SUSD2: variants seen among roughly 807,000 people sequenced by gnomAD.
SUSD2 encodes sushi domain-containing protein 2.
Under a neutral mutation model 93.8 loss-of-function variants are expected in SUSD2, and 86 were observed. The ratio of observed to expected loss-of-function variants is 0.92; its 90% CI spans 0.77 to 1.10. SUSD2 has a LOEUF of 1.10. Among genes scored for constraint, SUSD2 ranks in the 50% least tolerant of loss-of-function variants. The probability of loss-of-function intolerance (pLI) is 0.00; values close to 1 mark genes in which losing one functional copy is unlikely to be tolerated. For missense variants in SUSD2, 1,060 were observed against 1,137.0 expected, an observed-to-expected ratio of 0.93 and a Z score of 0.97; for synonymous variants, 483 against 485.0, an observed-to-expected ratio of 1.00 and a Z score of 0.05.
intron 2 of SUSD2, 109 bp from the exon 3 acceptor site, chr22:24,183,386 G>A: frequency 1.3e-6 from 2 of 1,530,580 alleles, no homozygotes; most frequent in South Asian, 1.2e-5. Flanking sequence ...AGGCAGGAGG[G>A]CACAGGGACA....
intron 10 of SUSD2, 178 bp from the exon 11 acceptor site, chr22:24,187,024 A>C (rs1466965886): frequency 2.7e-6 from 2 of 747,638 alleles, no homozygotes; most frequent in African/African-American, 3.5e-5. Context: ...GTTCCACCGC[A>C]AGCATGGCAG....
At position 24,187,795 on chromosome 22, in the gene SUSD2, C is replaced by T. The variant is rs757443879; in HGVS notation, c.2116C>T (p.Arg706Trp). Reference protein sequence around the residue: ...TGSLSTGTATRVAHQLHQRRM... With the variant: ...TGSLSTGTATWVAHQLHQRRM... ...GAGCCTGAGCACGGGCACTGCCACTCGGGTGGCCCACCAGCTGCACCAGCG... is the reference window on the plus strand; with the variant it reads ...GAGCCTGAGCACGGGCACTGCCACTTGGGTGGCCCACCAGCTGCACCAGCG... The change falls in exon 12 of 15, where the codon CGG becomes TGG. Residue 706 changes from arginine (R) to tryptophan (W), a missense_variant. By Grantham distance (101) the Arg-to-Trp change is moderately radical. Transcript: ENST00000358321. 1.4e-5 allele frequency: 21 copies of T among 1,492,772 alleles called. No individual in the cohort carries two copies. Among genetic ancestry groups the T allele is most frequent in the East Asian group, 2.9e-5 (1 of 34,860 alleles). The allele number at this position is 1,492,772 out of a possible 1,614,324, so 92.5% of individuals were successfully genotyped here.
rs752884554 is a variant in SUSD2 at position 24,183,230 on chromosome 22, A to G, written c.250A>G (p.Lys84Glu). ...CAAGGACTTTGTGGTGCGGCACTTC[A>G]AGATGTCCAGCCCCACAGACGCCAG... ...GGKDFVVRHF[K>E]MSSPTDASVI... The change falls in exon 2 of 15, where the codon AAG becomes GAG. Residue 84 changes from lysine to glutamate, a missense_variant. By Grantham distance (56) the Lys-to-Glu change is moderately conservative. Transcript: ENST00000358321. 3.7e-6 allele frequency: 6 copies of G among 1,613,610 alleles called. No individual in the cohort carries two copies. The South Asian group carries it at 6.6e-5, about 18-fold the overall frequency.
rs773767773 is a variant in SUSD2, at chr22:24,187,589, C to G, written c.1910C>G (p.Ser637Cys). ...FGANWTVHNA[S>C]SLLTYDSWFL... ...CTTCCAGGGACCGTGCACAATGCGT[C>G]CTCCCTGCTCACCTACGATTCCTGG... is the stretch of plus-strand genomic sequence containing the variant. Residue 637 changes from serine (S) to cysteine (C), a missense_variant, in exon 12 of 15, where the codon TCC becomes TGC. Physicochemically the swap from Ser to Cys is moderately radical, Grantham distance 112. Around this residue, in one of 2 missense-constraint regions of SUSD2, gnomAD observed 973 missense variants for 1,005.3 expected, o/e 0.97. Coordinates refer to ENST00000358321, the MANE Select transcript of SUSD2 (RefSeq NM_019601.4). The G allele has an allele frequency of 1.1e-4, 183 of 1,612,984 alleles. No individual in the cohort carries two copies. Among genetic ancestry groups the G allele is most frequent in the Non-Finnish European group, 1.5e-4 (179 of 1,179,370 alleles).
At position 24,185,820 on chromosome 22, in the gene SUSD2, C is replaced by T; in HGVS notation, c.1230C>T (p.Leu410=). 6.2e-7 allele frequency: 1 copy of T among 1,609,968 alleles called. No homozygotes were observed. The highest frequency in any genetic ancestry group is 1.7e-5 in the Admixed American group (1 of 59,756). ...PPRVPSMSHW[L]YDVLSFYYCC... ...GAGTGCCCAGCATGTCCCACTGGCT[C>T]TACGATGTCCTCAGCTTCTATTACT... The change falls in exon 8 of 15, where the codon CTC becomes CTT. Residue 410 remains leucine (L), a synonymous_variant. Transcript: ENST00000358321.
intron 1 of SUSD2, 75 bp downstream of exon 1, chr22:24,181,670 C>G (rs973939925): frequency 8.4e-7 from 1 of 1,188,680 alleles, no homozygotes; most frequent in African/African-American, 1.5e-5. Context: ...TGACATCCCT[C>G]TGGGCTCAGC....
rs151185799 is a variant in SUSD2, at chr22:24,181,561, G to A, written c.42G>A (p.Ala14=). 1.5e-4 allele frequency: 233 copies of A among 1,599,732 alleles called. No homozygotes were observed. Among genetic ancestry groups the A allele is most frequent in the Non-Finnish European group, 1.8e-4 (216 of 1,175,624 alleles). The change falls in exon 1 of 15, where the codon GCG becomes GCA. Residue 14 remains alanine, a synonymous_variant. Coordinates refer to ENST00000358321, the MANE Select transcript of SUSD2 (RefSeq NM_019601.4). ...TGCCCTGGGCCCTGCTGCTGCTGGC[G>A]ACAGCCCTCGGCCCGGGCCCCGGAC... ...ALLPWALLLL[A]TALGPGPGPT...
chr22:24,183,483 C>G lies in SUSD2; in HGVS notation c.288-12C>G. The G allele has an allele frequency of 2.5e-6, 4 of 1,606,390 alleles. No individual in the cohort carries two copies. The highest frequency in any genetic ancestry group is 3.4e-6 in the Non-Finnish European group (4 of 1,176,554). On this transcript the variant is annotated splice_polypyrimidine_tract_variant and intron_variant, in intron 2 of 14. Coordinates refer to ENST00000358321, the MANE Select transcript of SUSD2 (RefSeq NM_019601.4). ...AATGACCCAGCCCCTCCCACCACCA[C>G]CACGCCCACAGGTTTAAGGACAGCA...
chr22:24,184,127 C>G lies in SUSD2; in HGVS notation c.440-9C>G. 1.2e-6 allele frequency: 2 copies of G among 1,611,760 alleles called. No homozygotes were observed. The highest frequency in any genetic ancestry group is 1.7e-6 in the Non-Finnish European group (2 of 1,179,934). ...AGGCCCTCACTCACCCCTCACCTCCCCTGCCCAGTGCACCCCAACAAAGTG... is the reference window on the plus strand; with the variant it reads ...AGGCCCTCACTCACCCCTCACCTCCGCTGCCCAGTGCACCCCAACAAAGTG... On this transcript the variant is annotated splice_polypyrimidine_tract_variant and intron_variant, in intron 3 of 14. Coordinates refer to ENST00000358321, the MANE Select transcript of SUSD2 (RefSeq NM_019601.4).
At position 24,183,563 on chromosome 22, in the gene SUSD2, T is replaced by C; in HGVS notation, c.356T>C (p.Leu119Pro). ...GGGCAAGTGCACTGTGTGTCACCTC[T>C]GCTCTATGAGAGCGGCCGCATCCCC... ...SSGQVHCVSPLLYESGRIPFT... is the reference protein window; with the variant it reads ...SSGQVHCVSPPLYESGRIPFT... The change falls in exon 3 of 15, where the codon CTG (leucine) becomes CCG (proline). Residue 119 changes from leucine to proline, a missense_variant. By Grantham distance (98) the Leu-to-Pro change is moderately conservative. Coordinates refer to ENST00000358321, the MANE Select transcript of SUSD2 (RefSeq NM_019601.4). The C allele has an allele frequency of 1.2e-6, 2 of 1,613,502 alleles. No individual in the cohort carries two copies. Among genetic ancestry groups the C allele is most frequent in the Non-Finnish European group, 1.7e-6 (2 of 1,180,006 alleles).
Position 24,187,859 on chromosome 22 carries a change from T to A in SUSD2, c.2164+16T>A, listed in dbSNP as rs1395624299. ...CTGCAGCCAGGTGAGGGCGGGCAGGTGGGGGTGGGCGGGGAGCTGGGACAG... is the reference window on the plus strand; with the variant it reads ...CTGCAGCCAGGTGAGGGCGGGCAGGAGGGGGTGGGCGGGGAGCTGGGACAG... On this transcript the variant is annotated intron_variant, in intron 12 of 14. Transcript: ENST00000358321. 2.7e-6 allele frequency: 3 copies of A among 1,103,106 alleles called. No homozygotes were observed. Among genetic ancestry groups the A allele is most frequent in the Non-Finnish European group, 4.0e-6 (3 of 759,052 alleles). 68.3% of individuals were successfully genotyped at this position (1,103,106 alleles called of 1,614,324 possible). A position where few individuals can be genotyped will look rare whatever the true frequency, so the allele number is the denominator to read the frequency against.
rs750294079 is a variant in SUSD2, at chr22:24,184,915, G to A, written c.757G>A (p.Asp253Asn). 16 of 1,613,362 alleles carry A rather than the reference G, an allele frequency of 9.9e-6. No individual in the cohort carries two copies. The highest frequency in any genetic ancestry group is 1.2e-5 in the Non-Finnish European group (14 of 1,179,852). The change falls in exon 5 of 15, where the codon GAC becomes AAC. Residue 253 changes from aspartate to asparagine, a missense_variant. Physicochemically the swap from Asp to Asn is conservative, Grantham distance 23 (BLOSUM62 1). This residue lies in a region of SUSD2 where 973 missense variants were observed against 1,005.3 expected (regional missense o/e 0.97). Coordinates refer to ENST00000358321, the MANE Select transcript of SUSD2 (RefSeq NM_019601.4). Reference sequence around the variant, plus strand: ...GCGAGTGGGTGCACTTCGGATCATCGACAGCAAAAATTACGCAGGGCAGAA... The same window carrying A: ...GCGAGTGGGTGCACTTCGGATCATCAACAGCAAAAATTACGCAGGGCAGAA... ...RWRVGALRII[D>N]SKNYAGQKDV...
At position 24,185,203 on chromosome 22, in the gene SUSD2, G is replaced by T. The variant is rs1399006242; in HGVS notation, c.892G>T (p.Glu298Ter). 1.9e-6 allele frequency: 3 copies of T among 1,611,446 alleles called. No homozygotes were observed. The highest frequency in any genetic ancestry group is 2.5e-6 in the Non-Finnish European group (3 of 1,179,912). The stretch of plus-strand genomic sequence containing the variant: ...ACGAACTCAGTGCCAGGCCTGGGAG[G>T]AGCTGGAGGATCAGCTGCCCAACTT... ...WARTQCQAWE[E>*]LEDQLPNFLE... The change falls in exon 6 of 15, where the codon GAG becomes TAG. Residue 298 changes from glutamate (E) to a stop codon, truncating the protein, a stop_gained. Coordinates refer to ENST00000358321, the MANE Select transcript of SUSD2 (RefSeq NM_019601.4). LOFTEE classifies it high-confidence loss of function.
chr22:24,182,335 G>A (rs773853946), intron 1 of SUSD2, among the ~76,000 whole-genome samples: 5 of 152,130 alleles, frequency 3.3e-5, no homozygotes, highest in Non-Finnish European at 5.9e-5. Context: ...CATAGGAGAA[G>A]TTTTGGGCCC....
At position 24,185,795 on chromosome 22, in the gene SUSD2, G is replaced by A. The variant is rs375340888; in HGVS notation, c.1205G>A (p.Arg402Gln). The A allele has an allele frequency of 2.8e-5, 45 of 1,610,192 alleles. No homozygotes were observed. Among genetic ancestry groups the A allele is most frequent in the Non-Finnish European group, 3.4e-5 (40 of 1,178,770 alleles). ...GCACCCCCGTTCCGCACGCCACCCC[G>A]AGTGCCCAGCATGTCCCACTGGCTC... ...WGAPPFRTPP[R>Q]VPSMSHWLYD... Residue 402 changes from arginine to glutamine, a missense_variant, in exon 8 of 15, where the codon CGA (arginine) becomes CAA (glutamine). Physicochemically the swap from Arg to Gln is conservative, Grantham distance 43. This residue lies in a region of SUSD2 where 973 missense variants were observed against 1,005.3 expected (regional missense o/e 0.97). Coordinates refer to ENST00000358321, the MANE Select transcript of SUSD2 (RefSeq NM_019601.4).
Position 24,185,252 on chromosome 22 carries a change from C to T in SUSD2, c.941C>T (p.Pro314Leu), listed in dbSNP as rs761838331. 3 of 1,606,854 alleles carry T rather than the reference C, an allele frequency of 1.9e-6. No individual in the cohort carries two copies. The African/African-American group carries it at 4.0e-5, about 21-fold the overall frequency. The change falls in exon 6 of 15, where the codon CCC becomes CTC. Residue 314 changes from proline (P) to leucine (L), a missense_variant. Coordinates refer to ENST00000358321, the MANE Select transcript of SUSD2 (RefSeq NM_019601.4). ...TTCCTGGAGGAGCTGCCGGACTGCC[C>T]CTGCACCCTGACCCAGGCCCGGGCT... ...PNFLEELPDC[P>L]CTLTQARADS...
chr22:24,186,577 C>T (rs968128912), intron 10 of SUSD2, 162 bp downstream of exon 10: 38 of 799,994 alleles, frequency 4.8e-5, no homozygotes, highest in Non-Finnish European at 6.0e-5. Flanking sequence ...GTGCCCCCGT[C>T]GTACCCACCT....
intron 11 of SUSD2, 43 bp downstream of exon 11, chr22:24,187,493 A>C (rs2047376749): frequency 1.2e-6 from 2 of 1,606,556 alleles, no homozygotes; most frequent in Non-Finnish European, 1.7e-6. Context: ...GGTGGGGGTT[A>C]CTGGAAACAT....
At position 24,188,694 on chromosome 22, in the gene SUSD2, G is replaced by A; in HGVS notation, c.*258G>A. 1.9e-6 allele frequency: 1 copy of A among 514,414 alleles called. No individual in the cohort carries two copies. Among genetic ancestry groups the A allele is most frequent in the East Asian group, 3.2e-5 (1 of 31,416 alleles). The allele number at this position is 514,414 out of a possible 1,614,324, so 31.9% of individuals were successfully genotyped here. On this transcript the variant is annotated 3_prime_UTR_variant, in exon 15 of 15. Coordinates refer to ENST00000358321, the MANE Select transcript of SUSD2 (RefSeq NM_019601.4). This position sits in a 1 kb window ranked among gnomAD's most constrained non-coding sequence, Gnocchi z 4.7. Reference sequence around the variant, plus strand: ...CCCCAAACCTGAAACTTCATACCCTGGGATTCTAATACCTATGTCCTGAGC... The same window carrying A: ...CCCCAAACCTGAAACTTCATACCCTAGGATTCTAATACCTATGTCCTGAGC...
Sources: allele counts gnomAD v4.1 joint callset (sites outside exome capture counted in the v4.1 genomes callset), GRCh38; gene constraint gnomAD v4.1.1; regional missense constraint gnomAD v4.1.1; non-coding constraint Gnocchi (gnomAD v3.1); transcripts MANE v1.5; gene names NCBI Gene and HGNC (gene_info 2026-07-23, HGNC 2026-07-21).